Variants in EYA2 observed in about 807,000 individuals in gnomAD.
The protein encoded by EYA2 is EYA transcriptional coactivator and phosphatase 2.
In EYA2, 31 loss-of-function variants were observed where a neutral mutation model predicts 69.2. The ratio of observed to expected loss-of-function variants is 0.45; its 90% CI spans 0.34 to 0.60. The LOEUF (loss-of-function observed/expected upper bound fraction) is 0.60, where lower values mean the gene tolerates loss of function less well. Ranked by LOEUF, EYA2 falls within the 20% of genes least tolerant of loss-of-function variation. The pLI is 0.02. For missense variants in EYA2, 622 were observed against 701.2 expected (o/e 0.89, Z 1.28); for synonymous variants, 257 against 279.4 (o/e 0.92, Z 0.80).
intron 1 of EYA2, among the ~76,000 whole-genome samples, chr20:46,908,102 T>C (rs1487495908): frequency 6.6e-6 from 1 of 152,234 alleles, no homozygotes; most frequent in Non-Finnish European, 1.5e-5. Flanking sequence ...ATGGCACTTA[T>C]TTATTCATTC....
At position 46,903,830 on chromosome 20, in the gene EYA2, A is replaced by G. The variant is rs146450198; in HGVS notation, c.-11+8843A>G. ...ACTTAGACTCTTTGGGATGATAATAATAATAGTAACAACAATAATAAAATA... is the reference window on the plus strand; with the variant it reads ...ACTTAGACTCTTTGGGATGATAATAGTAATAGTAACAACAATAATAAAATA... On this transcript the variant is annotated intron_variant, in intron 1 of 15. Coordinates refer to ENST00000327619, the MANE Select transcript of EYA2 (RefSeq NM_005244.5). 3.6e-3 allele frequency among the ~76,000 whole-genome samples: 554 copies of G among 152,372 alleles called. 8 individuals are homozygous for G. The highest frequency in any genetic ancestry group is 0.013 in the African/African-American group (529 of 41,588).
intron 1 of EYA2, among the ~76,000 whole-genome samples, chr20:46,911,555 G>A (rs1226995946): frequency 6.6e-6 from 1 of 152,226 alleles, no homozygotes; most frequent in Non-Finnish European, 1.5e-5. Flanking sequence ...TGAATGAGAG[G>A]TTAAACTATT....
chr20:46,952,919 G>A (rs564423402), intron 1 of EYA2, among the ~76,000 whole-genome samples: 3 of 152,302 alleles, frequency 2.0e-5, no homozygotes, highest in South Asian at 2.1e-4. Context: ...ATCAGGAGTC[G>A]TTGCACATCT....
At chr20:47,076,028 A>G (rs1369488666) in intron 7 of EYA2, among the ~76,000 whole-genome samples, 7 of 152,376 alleles carry the variant, frequency 4.6e-5, no homozygotes, top group South Asian at 2.1e-4. Context: ...TTCAAAGGAC[A>G]TGATCTTATT....
chr20:47,060,052 C>T (rs1466765348), intron 5 of EYA2, among the ~76,000 whole-genome samples: 2 of 152,174 alleles, frequency 1.3e-5, no homozygotes, highest in Non-Finnish European at 2.9e-5. Context: ...GCATTTAAAA[C>T]TCAGGAGATT....
At chr20:47,014,276 T>C (rs1323054221) in intron 4 of EYA2, among the ~76,000 whole-genome samples, 4 of 152,206 alleles carry the variant, frequency 2.6e-5, no homozygotes, top group African/African-American at 9.6e-5. Context: ...CTATCTGTTT[T>C]TACCTTACTA....
At chr20:47,128,033 TTTGAC>T (rs2146571301) in intron 9 of EYA2, among the ~76,000 whole-genome samples, 1 of 152,328 alleles carries the variant, frequency 6.6e-6, no homozygotes, top group African/African-American at 2.4e-5. Context: ...CACACCTGTT[TTTGAC>T]TCCTAGGGTG....
At chr20:47,006,657 G>A (rs1982734060) in intron 4 of EYA2, among the ~76,000 whole-genome samples, 1 of 152,022 alleles carries the variant, frequency 6.6e-6, no homozygotes, top group South Asian at 2.1e-4. Context: ...TCAACATTGA[G>A]TCATGTGTGG....
chr20:47,107,621 G>T (rs139537287), intron 9 of EYA2, among the ~76,000 whole-genome samples: 50 of 151,364 alleles, frequency 3.3e-4, no homozygotes, highest in African/African-American at 1.0e-3. Context: ...CAGGAGGATT[G>T]CTTGAGGCCA....
chr20:46,925,571 T>G (rs1291655762), intron 1 of EYA2, among the ~76,000 whole-genome samples: 3 of 152,220 alleles, frequency 2.0e-5, no homozygotes, highest in Non-Finnish European at 4.4e-5. Flanking sequence ...AAATGACTTT[T>G]AAATATTTGA....
At chr20:46,907,617 T>A (rs962294973) in intron 1 of EYA2, among the ~76,000 whole-genome samples, 1 of 152,168 alleles carries the variant, frequency 6.6e-6, no homozygotes, top group East Asian at 1.9e-4. Flanking sequence ...GGCAGGCGGA[T>A]TGCGTGAAGT....
chr20:47,040,219 A>C (rs1984977773), intron 5 of EYA2, among the ~76,000 whole-genome samples: 2 of 152,212 alleles, frequency 1.3e-5, no homozygotes, highest in Non-Finnish European at 2.9e-5. Context: ...CATTTTAAGC[A>C]CAGAAGGCCA....
intron 9 of EYA2, among the ~76,000 whole-genome samples, chr20:47,126,182 C>A (rs138945685): frequency 2.0e-5 from 3 of 152,214 alleles, no homozygotes; most frequent in Non-Finnish European, 2.9e-5. Flanking sequence ...GATTGCAAAG[C>A]GCGAGGCCAA....
intron 5 of EYA2, among the ~76,000 whole-genome samples, chr20:47,018,775 A>G (rs982543200): frequency 6.6e-5 from 10 of 152,210 alleles, no homozygotes; most frequent in Non-Finnish European, 1.2e-4. Context: ...CCCTGCTTTC[A>G]TAGATGGTGA....
At chr20:47,047,253 G>A (rs922650355) in intron 5 of EYA2, among the ~76,000 whole-genome samples, 1 of 152,112 alleles carries the variant, frequency 6.6e-6, no homozygotes, top group Non-Finnish European at 1.5e-5. Context: ...ATGAATGAGT[G>A]CGTGGATGAT....
intron 1 of EYA2, among the ~76,000 whole-genome samples, chr20:46,919,499 C>A (rs1405791088): frequency 1.3e-5 from 2 of 152,240 alleles, no homozygotes; most frequent in Non-Finnish European, 2.9e-5. Context: ...CTCCTGAACT[C>A]TTGGTAGCTT....
intron 7 of EYA2, among the ~76,000 whole-genome samples, chr20:47,085,878 T>C (rs2031878459): frequency 6.6e-6 from 1 of 152,110 alleles, no homozygotes; most frequent in Non-Finnish European, 1.5e-5. Context: ...ACAAGGAAAT[T>C]CTTGGGGTGC....
chr20:47,037,642 C>T (rs1042027479), intron 5 of EYA2, among the ~76,000 whole-genome samples: 1 of 152,152 alleles, frequency 6.6e-6, no homozygotes, highest in East Asian at 1.9e-4. Context: ...CCAAGGCTGC[C>T]ACTAGTCCTT....
chr20:46,990,862 A>G (rs1442638780), intron 2 of EYA2, among the ~76,000 whole-genome samples: 4 of 152,192 alleles, frequency 2.6e-5, no homozygotes, highest in Non-Finnish European at 2.9e-5. Context: ...CACAAATGCT[A>G]TGTAACTGTC....
Sources: allele counts gnomAD v4.1 joint callset (sites outside exome capture counted in the v4.1 genomes callset), GRCh38; gene constraint gnomAD v4.1.1; transcripts MANE v1.5; gene names NCBI Gene and HGNC (gene_info 2026-07-23, HGNC 2026-07-21).